Variants in TSBP1 observed in about 807,000 individuals in gnomAD.
TSBP1 encodes the protein testis-expressed basic protein 1.
A neutral mutation model predicts 68.8 loss-of-function variants in TSBP1; 56 were observed. The observed-to-expected ratio is 0.81, with a 90% confidence interval of 0.66 to 1.02. The LOEUF is 1.02. TSBP1 is among the 50% of genes least tolerant of loss of function. The pLI is 0.00. For missense variants in TSBP1, 502 were observed against 641.2 expected (o/e 0.78, Z 2.34); for synonymous variants, 171 against 208.7 (o/e 0.82, Z 1.56).
In TSBP1 at chr6:32,330,635, A is replaced by AACACACACAC. The variant is rs9279582; in HGVS notation, c.494-36_494-27dup. The AACACACACAC allele has an allele frequency of 1.7e-3, 1,946 of 1,134,216 alleles. 18 individuals are homozygous for AACACACACAC. The highest frequency in any genetic ancestry group is 0.011 in the African/African-American group (655 of 57,966). 70.3% of individuals were successfully genotyped at this position (1,134,216 alleles called of 1,614,324 possible). A position where few individuals can be genotyped will look rare whatever the true frequency, so the allele number is the denominator to read the frequency against. On this transcript the variant is annotated intron_variant, in intron 15 of 22. Coordinates refer to ENST00000612031, the Ensembl canonical transcript of TSBP1. ...CTAAAAAATAGAAACAAACAAATTA[A>AACACACACAC]ACACACACACACACACACACACACA...
chr6:32,353,427 T>C (rs1370449402), intron 8 of TSBP1, among the ~76,000 whole-genome samples: 1 of 151,934 alleles, frequency 6.6e-6, no homozygotes, highest in African/African-American at 2.4e-5. Context: ...TATTACATTA[T>C]TGAAGGGTAT....
chr6:32,299,335 C>T (rs1319270582), intron 22 of TSBP1, among the ~76,000 whole-genome samples: 1 of 152,200 alleles, frequency 6.6e-6, no homozygotes, highest in Admixed American at 6.5e-5. Flanking sequence ...TACCTACTGT[C>T]TTTCAAAGGT....
intron 4 of TSBP1, among the ~76,000 whole-genome samples, chr6:32,367,100 C>T (rs1218813069): frequency 6.7e-6 from 1 of 148,238 alleles, no homozygotes; most frequent in Non-Finnish European, 1.5e-5. Flanking sequence ...CATCCACAAT[C>T]TCATAACCTT....
chr6:32,320,131 T>C (rs1249495822), intron 18 of TSBP1: 2 of 455,688 alleles, frequency 4.4e-6, no homozygotes, highest in Non-Finnish European at 8.8e-6. Flanking sequence ...CCTTGGGGGC[T>C]ATCTTTCATG....
In TSBP1 at chr6:32,321,164, A is replaced by C. The variant is rs760902968; in HGVS notation, c.559+1953T>G. Among the ~76,000 whole-genome samples, 2 of 152,140 alleles carry C rather than the reference A, an allele frequency of 1.3e-5. No individual in the cohort carries two copies. The highest frequency in any genetic ancestry group is 2.9e-5 in the Non-Finnish European group (2 of 68,028). Reference sequence around the variant, plus strand: ...TTAACATAACTGTGCATGTGTCTTTATGATAGAATGGTTTATATTCCTTTG... The same window carrying C: ...TTAACATAACTGTGCATGTGTCTTTCTGATAGAATGGTTTATATTCCTTTG... On this transcript the variant is annotated intron_variant, in intron 18 of 22. Transcript: ENST00000612031. This position sits in a 1 kb window ranked among gnomAD's most constrained non-coding sequence, Gnocchi z 4.3.
chr6:32,349,744 A>G, exon 9 of TSBP1: 2 of 1,589,188 alleles, frequency 1.3e-6, no homozygotes, highest in South Asian at 1.1e-5. Context: ...ACTTACCAAT[A>G]CTTGATCGAG....
At chr6:32,295,735 C>T (rs954877704) in intron 22 of TSBP1, among the ~76,000 whole-genome samples, 15 of 152,110 alleles carry the variant, frequency 9.9e-5, no homozygotes, top group African/African-American at 3.6e-4. Context: ...TTACTACTTC[C>T]CAATGAGATA....
rs1405407130 is a variant in TSBP1, at chr6:32,314,745, G to A, written c.580+1027C>T. Among the ~76,000 whole-genome samples, 1 of 152,206 alleles carries A rather than the reference G, an allele frequency of 6.6e-6. No homozygotes were observed. On this transcript the variant is annotated intron_variant, in intron 19 of 22. Transcript: ENST00000612031. This position sits in a 1 kb window ranked among gnomAD's most constrained non-coding sequence, Gnocchi z 4.2. ...AGAGTGTGTTTAGAAGGAACTGGAG[G>A]AGGATATATAAGCATATTTGAAATC...
At chr6:32,347,798 C>G (rs1289583178) in intron 9 of TSBP1, among the ~76,000 whole-genome samples, 1 of 152,172 alleles carries the variant, frequency 6.6e-6, no homozygotes, top group Non-Finnish European at 1.5e-5. Flanking sequence ...CTCATACATG[C>G]TACTCTTCTT....
chr6:32,371,571 C>T (rs2076536), intron 1 of TSBP1, 123 bp downstream of exon 1: 497,342 of 783,428 alleles, frequency 0.63, 160,644 homozygotes, highest in East Asian at 0.74. Context: ...AGAAAAAATA[C>T]TGAATTTGAA....
intron 18 of TSBP1, among the ~76,000 whole-genome samples, chr6:32,317,878 A>G (rs1210045436): frequency 6.6e-6 from 1 of 152,176 alleles, no homozygotes; most frequent in African/African-American, 2.4e-5. Flanking sequence ...TAGTTCAACC[A>G]TTGTGGGAAA....
intron 14 of TSBP1, among the ~76,000 whole-genome samples, chr6:32,334,532 C>T (rs926145610): frequency 6.6e-6 from 1 of 152,144 alleles, no homozygotes; most frequent in Non-Finnish European, 1.5e-5. Context: ...TCCTGACCCT[C>T]AGTTTCCTCA....
rs977675160 is a variant in TSBP1 at position 32,335,681 on chromosome 6, T to C, written c.452-224A>G. 6.6e-6 allele frequency among the ~76,000 whole-genome samples: 1 copy of C among 152,172 alleles called. No homozygotes were observed. Among genetic ancestry groups the C allele is most frequent in the South Asian group, 2.1e-4 (1 of 4,828 alleles). On this transcript the variant is annotated intron_variant, in intron 13 of 22. Transcript: ENST00000612031. The surrounding 1 kb of genome is among the most constrained non-coding windows in gnomAD (Gnocchi z 5.5). ...TCCCTTGTGTGATGCTGAGAAGCCA[T>C]TGGAAATCTGCAAGGGTTCATTCTC...
chr6:32,323,559 C>T, intron 17 of TSBP1, 32 bp downstream of exon 18: 1 of 1,605,712 alleles, frequency 6.2e-7, no homozygotes, highest in Non-Finnish European at 8.5e-7. Context: ...AGAACAACAA[C>T]AGAAAAGAGT....
intron 3 of TSBP1, 116 bp downstream of exon 3, chr6:32,368,666 A>G (rs1320299294): frequency 3.8e-6 from 4 of 1,043,888 alleles, no homozygotes; most frequent in African/African-American, 1.6e-5. Flanking sequence ...AGTTCATGCA[A>G]TGGTGCACTA....
intron 8 of TSBP1, 117 bp from the exon 9 acceptor site, chr6:32,349,877 C>G: frequency 9.0e-7 from 1 of 1,112,612 alleles, no homozygotes. Flanking sequence ...TGAGTCACAA[C>G]TTATTTCCTG....
At chr6:32,320,830 C>T (rs1000420138) in intron 18 of TSBP1, among the ~76,000 whole-genome samples, 7 of 152,020 alleles carry the variant, frequency 4.6e-5, no homozygotes, top group Admixed American at 2.6e-4. Flanking sequence ...GATCCTCTCC[C>T]GCTCCCACCC....
intron 16 of TSBP1, among the ~76,000 whole-genome samples, chr6:32,326,868 CT>C (rs143446223): frequency 0.02 from 3,078 of 152,264 alleles, 85 homozygotes; most frequent in African/African-American, 0.064. Context: ...GTATAGGAGG[CT>C]GCAGGAAAGG....
chr6:32,328,835 G>A (rs899523620), intron 16 of TSBP1, among the ~76,000 whole-genome samples: 1 of 152,180 alleles, frequency 6.6e-6, no homozygotes, highest in African/African-American at 2.4e-5. Context: ...ACAGGCATGA[G>A]CCACCATGCC....
Sources: allele counts gnomAD v4.1 joint callset (sites outside exome capture counted in the v4.1 genomes callset), GRCh38; gene constraint gnomAD v4.1.1; non-coding constraint Gnocchi (gnomAD v3.1); transcripts MANE v1.5; gene names NCBI Gene and HGNC (gene_info 2026-07-23, HGNC 2026-07-21).